Variants in OR4K13 observed in about 807,000 individuals in gnomAD.
The protein encoded by OR4K13 is olfactory receptor 4K13.
For missense variants in OR4K13, 403 were observed against 366.0 expected, an observed-to-expected ratio of 1.10 and a Z score of -0.82; for synonymous variants, 160 against 134.8, an observed-to-expected ratio of 1.19 and a Z score of -1.30.
In OR4K13 at chr14:20,030,068, T is replaced by C. The variant is rs995379838; in HGVS notation, c.*3776A>G. ...GCTATTTGCTGTATGATTCTACCTA[T>C]ATGACAATCTTGAAAAAGCAAACTC... is the stretch of plus-strand genomic sequence containing the variant. On this transcript the variant is annotated 3_prime_UTR_variant, in exon 2 of 2. Transcript: ENST00000641904. 3 of 152,178 alleles carry C rather than the reference T, an allele frequency of 2.0e-5. No homozygotes were observed. Among genetic ancestry groups the C allele is most frequent in the Non-Finnish European group, 4.4e-5 (3 of 68,030 alleles). The allele number at this position is 152,178 out of a possible 1,614,324, so 9.4% of individuals were successfully genotyped here.
In OR4K13 at chr14:20,034,939, G is replaced by A. The variant is rs1877532156; in HGVS notation, c.-181C>T. 3.4e-6 allele frequency: 2 copies of A among 585,016 alleles called. No individual in the cohort carries two copies. The highest frequency in any genetic ancestry group is 6.0e-6 in the Non-Finnish European group (2 of 332,000). 36.2% of individuals were successfully genotyped at this position (585,016 alleles called of 1,614,324 possible). ...AGTCAGTGATTTTACTAATGGCCCA[G>A]AGAAGTATCCCAAATAGTCAGTAGA... On this transcript the variant is annotated 5_prime_UTR_variant, in exon 2 of 2. Transcript: ENST00000641904.
Position 20,033,866 on chromosome 14 carries a change from A to G in OR4K13, c.893T>C (p.Ile298Thr), listed in dbSNP as rs1388264523. ...AATTTATATGCAGAGTCTTTTTTTA[A>G]TGGCTGCTTTTACCTCTTGATTTCT... ...TLRNQEVKAA[I>T]KKRLCI The change falls in exon 2 of 2, where the codon ATT becomes ACT. Residue 298 changes from isoleucine to threonine, a missense_variant. Ile to Thr is a moderately conservative substitution (Grantham distance 89, BLOSUM62 -1). Transcript: ENST00000641904. The G allele has an allele frequency of 1.3e-6, 2 of 1,514,160 alleles. No homozygotes were observed. The highest frequency in any genetic ancestry group is 1.9e-5 in the Admixed American group (1 of 53,576). 93.8% of individuals were successfully genotyped at this position (1,514,160 alleles called of 1,614,324 possible). A position where few individuals can be genotyped will look rare whatever the true frequency, so the allele number is the denominator to read the frequency against.
Position 20,034,439 on chromosome 14 carries a change from A to T in OR4K13, c.320T>A (p.Leu107Gln). The stretch of plus-strand genomic sequence containing the variant: ...AAGCAACATCATCTCACTCCCACCC[A>T]GGAGGTGCATAAAGAACATCTGGGA... ...CYSQMFFMHL[L>Q]GGSEMMLLVA... The change falls in exon 2 of 2, where the codon CTG (leucine) becomes CAG (glutamine). Residue 107 changes from leucine (L) to glutamine (Q), a missense_variant. Coordinates refer to ENST00000641904, the MANE Select transcript of OR4K13 (RefSeq NM_001004714.2). The T allele has an allele frequency of 6.2e-7, 1 of 1,614,024 alleles. No individual in the cohort carries two copies. Among genetic ancestry groups the T allele is most frequent in the Admixed American group, 1.7e-5 (1 of 59,984 alleles).
chr14:20,035,612 C>A (rs935671460), intron 1 of OR4K13: 1 of 152,010 alleles, frequency 6.6e-6, no homozygotes, highest in Non-Finnish European at 1.5e-5. Context: ...ACTAATTTCA[C>A]TTTCAGCTTG....
In OR4K13 at chr14:20,034,012, C is replaced by T. The variant is rs1030093131; in HGVS notation, c.747G>A (p.Leu249=). ...TLSAHITVVT[L]FFAPCVFIYV... ...AGATAAAGACACACGGAGCAAAGAA[C>T]AGAGTCACAACTGTGATGTGAGCTG... is the stretch of plus-strand genomic sequence containing the variant. The change falls in exon 2 of 2, where the codon CTG becomes CTA. Residue 249 remains leucine (L), a synonymous_variant. Coordinates refer to ENST00000641904, the MANE Select transcript of OR4K13 (RefSeq NM_001004714.2). 6.2e-6 allele frequency: 10 copies of T among 1,613,952 alleles called. No individual in the cohort carries two copies. The highest frequency in any genetic ancestry group is 5.3e-5 in the African/African-American group (4 of 74,892).
chr14:20,034,494 G>C lies in OR4K13; in HGVS notation c.265C>G (p.Arg89Gly). The change falls in exon 2 of 2, where the codon CGT (arginine) becomes GGT (glycine). Residue 89 changes from arginine to glycine, a missense_variant. Coordinates refer to ENST00000641904, the MANE Select transcript of OR4K13 (RefSeq NM_001004714.2). ...PKMIVDFLRE[R>G]KTISWWGCYS... Reference sequence around the variant, plus strand: ...CATCCCCACCATGAGATGGTCTTACGTTCTCGGAGGAAATCTACAATCATC... The same window carrying C: ...CATCCCCACCATGAGATGGTCTTACCTTCTCGGAGGAAATCTACAATCATC... 1 of 1,613,952 alleles carries C rather than the reference G, an allele frequency of 6.2e-7. No individual in the cohort carries two copies. Among genetic ancestry groups the C allele is most frequent in the Non-Finnish European group, 8.5e-7 (1 of 1,179,984 alleles).
rs1877396776 is a variant in OR4K13, at chr14:20,030,768, C to T, written c.*3076G>A. ...AGGCACAGTGGCTCACGCCTGTAAT[C>T]CCAGCACTTTGGGAGGCCAACGTGA... On this transcript the variant is annotated 3_prime_UTR_variant, in exon 2 of 2. Transcript: ENST00000641904. 6.6e-6 allele frequency: 1 copy of T among 150,506 alleles called. No individual in the cohort carries two copies. The highest frequency in any genetic ancestry group is 2.4e-5 in the African/African-American group (1 of 41,312). The allele number at this position is 150,506 out of a possible 1,614,324, so 9.3% of individuals were successfully genotyped here.
rs1877523535 is a variant in OR4K13, at chr14:20,034,660, C to T, written c.99G>A (p.Val33=). 1 of 1,613,770 alleles carries T rather than the reference C, an allele frequency of 6.2e-7. No individual in the cohort carries two copies. The highest frequency in any genetic ancestry group is 8.5e-7 in the Non-Finnish European group (1 of 1,179,910). The change falls in exon 2 of 2, where the codon GTG becomes GTA. Residue 33 remains valine (V), a synonymous_variant. Transcript: ENST00000641904. ...TTCCTAACACAATCCCCACGAAGAC[C>T]ACAGAGAATCCCAAGAAGAATAAAA... ...LQILFFLGFS[V]VFVGIVLGNL...
Position 20,030,512 on chromosome 14 carries a change from A to G in OR4K13, c.*3332T>C, listed in dbSNP as rs1158208617. 6.6e-6 allele frequency: 1 copy of G among 152,162 alleles called. No individual in the cohort carries two copies. The highest frequency in any genetic ancestry group is 1.5e-5 in the Non-Finnish European group (1 of 68,036). The allele number at this position is 152,162 out of a possible 1,614,324, so 9.4% of individuals were successfully genotyped here. A position where few individuals can be genotyped will look rare whatever the true frequency, so the allele number is the denominator to read the frequency against. ...GATTGTAGGGTTCTCTGAAGTGTCA[A>G]TCTTCCCTTCTCCCTTGTGAGTCCT... On this transcript the variant is annotated 3_prime_UTR_variant, in exon 2 of 2. Transcript: ENST00000641904.
rs564711676 is a variant in OR4K13 at position 20,033,788 on chromosome 14, C to T, written c.*56G>A. Reference sequence around the variant, plus strand: ...ATTAAAAACGAGTTTCTTAAATGTTCAAACAAACAAGAGAGTGTCTCTTCA... The same window carrying T: ...ATTAAAAACGAGTTTCTTAAATGTTTAAACAAACAAGAGAGTGTCTCTTCA... On this transcript the variant is annotated 3_prime_UTR_variant, in exon 2 of 2. Transcript: ENST00000641904. 39 of 969,682 alleles carry T rather than the reference C, an allele frequency of 4.0e-5. No individual in the cohort carries two copies. In the South Asian group the frequency reaches 6.4e-4, roughly 16 times the overall value. The allele number at this position is 969,682 out of a possible 1,614,324, so 60.1% of individuals were successfully genotyped here.
In OR4K13 at chr14:20,030,888, G is replaced by C. The variant is rs952430408; in HGVS notation, c.*2956C>G. ...ATACAAAAATGAGCCAGGCGCAGTG[G>C]TGGGCGCCTGTAATCCCAGCTACTC... On this transcript the variant is annotated 3_prime_UTR_variant, in exon 2 of 2. Transcript: ENST00000641904. 9.2e-5 allele frequency: 14 copies of C among 151,806 alleles called. No homozygotes were observed. Among genetic ancestry groups the C allele is most frequent in the African/African-American group, 3.1e-4 (13 of 41,400 alleles). The allele number at this position is 151,806 out of a possible 1,614,324, so 9.4% of individuals were successfully genotyped here. A position where few individuals can be genotyped will look rare whatever the true frequency, so the allele number is the denominator to read the frequency against.
Position 20,034,185 on chromosome 14 carries a change from T to A in OR4K13, c.574A>T (p.Thr192Ser). 1 of 1,614,104 alleles carries A rather than the reference T, an allele frequency of 6.2e-7. No individual in the cohort carries two copies. The highest frequency in any genetic ancestry group is 8.5e-7 in the Non-Finnish European group (1 of 1,180,006). ...PLVIKLACKD[T>S]YILQLLVIAD... ...ATGACCAGGAGCTGTAGGATGTAGGTGTCCTTGCAGGCAAGTTTAATCACA... is the reference window on the plus strand; with the variant it reads ...ATGACCAGGAGCTGTAGGATGTAGGAGTCCTTGCAGGCAAGTTTAATCACA... Residue 192 changes from threonine (T) to serine (S), a missense_variant, in exon 2 of 2, where the codon ACC becomes TCC. Coordinates refer to ENST00000641904, the MANE Select transcript of OR4K13 (RefSeq NM_001004714.2).
Position 20,032,912 on chromosome 14 carries a change from G to A in OR4K13, c.*932C>T, listed in dbSNP as rs1877456549. On this transcript the variant is annotated 3_prime_UTR_variant, in exon 2 of 2. Transcript: ENST00000641904. ...ATCATAGCCCATGACCCAGCTCAAT[G>A]AAATTATGTATAGGTTCTCCACTGT... 1 of 152,142 alleles carries A rather than the reference G, an allele frequency of 6.6e-6. No individual in the cohort carries two copies. Among genetic ancestry groups the A allele is most frequent in the African/African-American group, 2.4e-5 (1 of 41,448 alleles). 9.4% of individuals were successfully genotyped at this position (152,142 alleles called of 1,614,324 possible).
At position 20,029,481 on chromosome 14, in the gene OR4K13, T is replaced by C. The variant is rs141310000; in HGVS notation, c.*4363A>G. ...CAATATATATTTATCCCTGAAACAATGTTTTGGTTAATGCAGTTATAAAGA... is the reference window on the plus strand; with the variant it reads ...CAATATATATTTATCCCTGAAACAACGTTTTGGTTAATGCAGTTATAAAGA... On this transcript the variant is annotated 3_prime_UTR_variant, in exon 2 of 2. Coordinates refer to ENST00000641904, the MANE Select transcript of OR4K13 (RefSeq NM_001004714.2). 253 of 152,264 alleles carry C rather than the reference T, an allele frequency of 1.7e-3. No homozygotes were observed. Among genetic ancestry groups the C allele is most frequent in the African/African-American group, 5.8e-3 (242 of 41,566 alleles). The allele number at this position is 152,264 out of a possible 1,614,324, so 9.4% of individuals were successfully genotyped here.
In OR4K13 at chr14:20,034,669, T is replaced by A. The variant is rs1199054398; in HGVS notation, c.90A>T (p.Gly30=). The change falls in exon 2 of 2, where the codon GGA becomes GGT. Residue 30 remains glycine (G), a synonymous_variant. Transcript: ENST00000641904. The part of the protein sequence containing the change: ...SQNLQILFFL[G]FSVVFVGIVL... ...CAATCCCCACGAAGACCACAGAGAATCCCAAGAAGAATAAAATCTGAAGAT... is the reference window on the plus strand; with the variant it reads ...CAATCCCCACGAAGACCACAGAGAAACCCAAGAAGAATAAAATCTGAAGAT... 1 of 1,613,614 alleles carries A rather than the reference T, an allele frequency of 6.2e-7. No homozygotes were observed. The highest frequency in any genetic ancestry group is 8.5e-7 in the Non-Finnish European group (1 of 1,179,840).
At position 20,034,043 on chromosome 14, in the gene OR4K13, G is replaced by A. The variant is rs1254268447; in HGVS notation, c.716C>T (p.Thr239Ile). ...AASRSSKAFS[T>I]LSAHITVVTL... Reference sequence around the variant, plus strand: ...CACAACTGTGATGTGAGCTGAGAGAGTGGAGAAAGCCTTAGAGGATCGACT... The same window carrying A: ...CACAACTGTGATGTGAGCTGAGAGAATGGAGAAAGCCTTAGAGGATCGACT... The change falls in exon 2 of 2, where the codon ACT (threonine) becomes ATT (isoleucine). Residue 239 changes from threonine (T) to isoleucine (I), a missense_variant. Coordinates refer to ENST00000641904, the MANE Select transcript of OR4K13 (RefSeq NM_001004714.2). 1.2e-6 allele frequency: 2 copies of A among 1,614,122 alleles called. No individual in the cohort carries two copies. Among genetic ancestry groups the A allele is most frequent in the African/African-American group, 1.3e-5 (1 of 75,042 alleles).
rs1417420684 is a variant in OR4K13 at position 20,033,942 on chromosome 14, CAGAA to C, written c.813_816del (p.Ser272CysfsTer10). Reference sequence around the variant, plus strand: ...AGAGGTGTGAAAATTGTGTAAAACACAGAAAGAATTTTATCTACCGAGTATCTGC... The same window carrying C: ...AGAGGTGTGAAAATTGTGTAAAACACAGAATTTTATCTACCGAGTATCTGC... On this transcript the variant is annotated frameshift_variant, in exon 2 of 2. Transcript: ENST00000641904. LOFTEE classifies it low-confidence loss of function (END_TRUNC). 3 of 1,611,558 alleles carry C rather than the reference CAGAA, an allele frequency of 1.9e-6. No homozygotes were observed. Among genetic ancestry groups the C allele is most frequent in the Non-Finnish European group, 2.5e-6 (3 of 1,177,930 alleles).
At position 20,033,253 on chromosome 14, in the gene OR4K13, T is replaced by C. The variant is rs1195929936; in HGVS notation, c.*591A>G. ...ACTGTGTTTATGGAAAACAACTTAG[T>C]ATAATTTAATACACACTAATCAGGG... On this transcript the variant is annotated 3_prime_UTR_variant, in exon 2 of 2. Coordinates refer to ENST00000641904, the MANE Select transcript of OR4K13 (RefSeq NM_001004714.2). 1.3e-5 allele frequency: 2 copies of C among 152,382 alleles called. No homozygotes were observed. 9.4% of individuals were successfully genotyped at this position (152,382 alleles called of 1,614,324 possible). A position where few individuals can be genotyped will look rare whatever the true frequency, so the allele number is the denominator to read the frequency against.
In OR4K13 at chr14:20,033,472, T is replaced by C. The variant is rs536994397; in HGVS notation, c.*372A>G. On this transcript the variant is annotated 3_prime_UTR_variant, in exon 2 of 2. Transcript: ENST00000641904. The stretch of plus-strand genomic sequence containing the variant: ...AAAGATGCATATAAACAAGGTTGTA[T>C]AGACGAAAAAACTAAATCACAGGGA... 2.2e-4 allele frequency: 37 copies of C among 168,686 alleles called. No homozygotes were observed. Among genetic ancestry groups the C allele is most frequent in the African/African-American group, 7.9e-4 (33 of 41,582 alleles). The allele number at this position is 168,686 out of a possible 1,614,324, so 10.4% of individuals were successfully genotyped here. A position where few individuals can be genotyped will look rare whatever the true frequency, so the allele number is the denominator to read the frequency against.
Sources: allele counts gnomAD v4.1 joint callset, GRCh38; gene constraint gnomAD v4.1.1; transcripts MANE v1.5; gene names NCBI Gene and HGNC (gene_info 2026-07-23, HGNC 2026-07-21).